Variants in MACROD1 observed in about 807,000 individuals in gnomAD.
MACROD1 encodes ADP-ribose glycohydrolase MACROD1.
Under a neutral mutation model 41.4 loss-of-function variants are expected in MACROD1, and 31 were observed. The ratio of observed to expected loss-of-function variants is 0.75; its 90% confidence interval spans 0.56 to 1.01. The LOEUF is 1.01. Ranked by LOEUF, MACROD1 falls within the 50% of genes least tolerant of loss-of-function variation. The probability of loss-of-function intolerance (pLI) is 0.00; values close to 1 mark genes in which losing one functional copy is unlikely to be tolerated. For missense variants in MACROD1, 473 were observed against 460.0 expected (o/e 1.03, Z -0.26); for synonymous variants, 252 against 203.4 (o/e 1.24, Z -2.03).
At chr11:64,059,370 G>A (rs1305545845) in intron 3 of MACROD1, among the ~76,000 whole-genome samples, 2 of 152,182 alleles carry the variant, frequency 1.3e-5, no homozygotes, top group African/African-American at 2.4e-5. Flanking sequence ...CAAGAGGCTC[G>A]CAGCCCAGCA....
intron 3 of MACROD1, among the ~76,000 whole-genome samples, chr11:64,057,074 C>T (rs900460865): frequency 6.6e-6 from 1 of 152,224 alleles, no homozygotes; most frequent in African/African-American, 2.4e-5. Flanking sequence ...GGCCAGCCTG[C>T]GTCGCACCAG....
intron 3 of MACROD1, among the ~76,000 whole-genome samples, chr11:64,057,207 G>A (rs554511611): frequency 1.3e-5 from 2 of 152,238 alleles, no homozygotes; most frequent in East Asian, 1.9e-4. Context: ...AGAAAGGGCA[G>A]CCTCTGGGAC....
At chr11:64,016,173 G>A (rs1043645551) in intron 3 of MACROD1, among the ~76,000 whole-genome samples, 4 of 152,112 alleles carry the variant, frequency 2.6e-5, no homozygotes, top group Admixed American at 1.3e-4. Context: ...GCTGCCCCTC[G>A]CCACCATGCA....
At chr11:64,077,262 G>A (rs1944219256) in intron 3 of MACROD1, among the ~76,000 whole-genome samples, 1 of 152,210 alleles carries the variant, frequency 6.6e-6, no homozygotes, top group African/African-American at 2.4e-5. Flanking sequence ...TTGCCCAACA[G>A]GTACCCCAGG....
chr11:64,145,971 T>C (rs189453240), intron 3 of MACROD1, among the ~76,000 whole-genome samples: 1 of 152,196 alleles, frequency 6.6e-6, no homozygotes, highest in East Asian at 1.9e-4. Flanking sequence ...GGTTTCACCA[T>C]GTTGGCCAGG....
At chr11:64,075,702 C>T (rs1280879725) in intron 3 of MACROD1, among the ~76,000 whole-genome samples, 7 of 152,180 alleles carry the variant, frequency 4.6e-5, no homozygotes, top group East Asian at 3.9e-4. Flanking sequence ...GATGGAGTTG[C>T]GCTCTTCTTG....
intron 3 of MACROD1, among the ~76,000 whole-genome samples, chr11:64,016,958 ATTTC>A (rs57523907): frequency 6.2e-4 from 94 of 151,950 alleles, no homozygotes; most frequent in East Asian, 1.4e-3. Flanking sequence ...ACAAATGCAC[ATTTC>A]TTTCTTTCTT....
chr11:64,041,555 G>A (rs1375361982), intron 3 of MACROD1, among the ~76,000 whole-genome samples: 1 of 152,048 alleles, frequency 6.6e-6, no homozygotes, highest in East Asian at 1.9e-4. Context: ...TCGCAGAGGT[G>A]GGGCTTCGTG....
chr11:64,131,462 G>T (rs986348174), intron 3 of MACROD1, among the ~76,000 whole-genome samples: 1 of 152,164 alleles, frequency 6.6e-6, no homozygotes, highest in East Asian at 1.9e-4. Flanking sequence ...AAGTAGCTGC[G>T]TGTACAGGCG....
intron 10 of MACROD1, 58 bp downstream of exon 10, chr11:63,998,780 G>A: frequency 6.9e-7 from 1 of 1,448,420 alleles, no homozygotes. Flanking sequence ...GTGAGCGGGG[G>A]TTAGTGGGCG....
intron 2 of MACROD1, 111 bp from the exon 3 acceptor site, chr11:64,151,466 G>T: frequency 1.3e-6 from 1 of 742,682 alleles, no homozygotes; most frequent in Non-Finnish European, 2.3e-6. Context: ...CACCTCCAGG[G>T]GCAGCCTGCA....
At chr11:64,058,471 G>A (rs916581419) in intron 3 of MACROD1, among the ~76,000 whole-genome samples, 8 of 152,258 alleles carry the variant, frequency 5.3e-5, no homozygotes, top group South Asian at 4.1e-4. Flanking sequence ...CTGGGTGGGC[G>A]AAGAGCAGGT....
chr11:64,121,648 A>C (rs1295434925), intron 3 of MACROD1, among the ~76,000 whole-genome samples: 2 of 152,150 alleles, frequency 1.3e-5, no homozygotes, highest in Non-Finnish European at 2.9e-5. Flanking sequence ...AGCCTCCCCT[A>C]CACCTCAGAC....
At chr11:64,102,626 C>T (rs1944690055) in intron 3 of MACROD1, among the ~76,000 whole-genome samples, 1 of 152,228 alleles carries the variant, frequency 6.6e-6, no homozygotes, top group Non-Finnish European at 1.5e-5. Flanking sequence ...TTTCTCTTCC[C>T]AGTCCTTCCA....
In MACROD1 at chr11:64,043,324, C is replaced by A. The variant is rs574409656; in HGVS notation, c.518-28043G>T. On this transcript the variant is annotated intron_variant, in intron 3 of 10. Coordinates refer to ENST00000255681, the MANE Select transcript of MACROD1 (RefSeq NM_014067.4). ...GCTGGAGAGGGGCTGTACAGGCTAG[C>A]TTTCCGCCCTCAGGACCCCACCCTC... Among the ~76,000 whole-genome samples the A allele has an allele frequency of 3.3e-5, 5 of 152,322 alleles. No individual in the cohort carries two copies. In the South Asian group the frequency reaches 1.0e-3, roughly 32 times the overall value.
At chr11:64,128,377 G>A (rs1945217011) in intron 3 of MACROD1, among the ~76,000 whole-genome samples, 2 of 152,202 alleles carry the variant, frequency 1.3e-5, no homozygotes, top group African/African-American at 4.8e-5. Context: ...GGCCTGCTAT[G>A]CTCTGGGGCT....
intron 3 of MACROD1, among the ~76,000 whole-genome samples, chr11:64,070,674 G>C (rs1002831961): frequency 3.3e-5 from 5 of 152,166 alleles, no homozygotes; most frequent in African/African-American, 9.7e-5. Flanking sequence ...CAGCTGATCG[G>C]GGCAGATTTA....
chr11:64,092,024 C>G (rs1328608922), intron 3 of MACROD1, among the ~76,000 whole-genome samples: 1 of 152,218 alleles, frequency 6.6e-6, no homozygotes, highest in Non-Finnish European at 1.5e-5. Context: ...CACGTGATCT[C>G]AGCTCCTGAG....
intron 3 of MACROD1, among the ~76,000 whole-genome samples, chr11:64,143,747 C>CACACGT (rs1945448029): frequency 1.1e-5 from 1 of 94,254 alleles, no homozygotes; most frequent in South Asian, 3.1e-4. Flanking sequence ...AACCCCGACA[C>CACACGT]ACACATACAC....
Sources: gnomAD v4.1 joint callset for allele counts (sites outside exome capture counted in the v4.1 genomes callset) on GRCh38, gnomAD v4.1.1 for gene constraint, MANE v1.5 for transcripts, NCBI Gene and HGNC (gene_info 2026-07-23, HGNC 2026-07-21) for gene names.